Variants in CTNNA2 observed in about 807,000 individuals in gnomAD.
CTNNA2 encodes the protein catenin alpha 2, also known as catenin alpha-2.
A neutral mutation model predicts 101.0 loss-of-function variants in CTNNA2; 42 were observed. That is an observed-to-expected ratio of 0.42 (90% CI 0.32 to 0.54). CTNNA2 has a LOEUF of 0.54. CTNNA2 is among the 20% of genes least tolerant of loss of function. The pLI is 0.14. For synonymous variants in CTNNA2, 450 were observed against 456.4 expected (o/e 0.99, Z 0.18); for missense variants, 871 against 1,223.1 (o/e 0.71, Z 4.29).
At chr2:79,760,879 G>A (rs1475467808) in intron 3 of CTNNA2, among the ~76,000 whole-genome samples, 7 of 151,972 alleles carry the variant, frequency 4.6e-5, no homozygotes, top group Admixed American at 2.6e-4. Context: ...TGGAGGCTGT[G>A]GGGTGTAGAT....
At position 79,982,192 on chromosome 2, in the gene CTNNA2, C is replaced by CTATATA. The variant is rs70940064; in HGVS notation, c.1056+72439_1056+72444dup. Among the ~76,000 whole-genome samples the CTATATA allele has an allele frequency of 6.2e-3, 463 of 74,662 alleles. 2 individuals carry two copies. Among genetic ancestry groups the CTATATA allele is most frequent in the African/African-American group, 7.6e-3 (109 of 14,302 alleles). 49.0% of individuals were successfully genotyped at this position (74,662 alleles called of 152,430 possible). On this transcript the variant is annotated intron_variant, in intron 7 of 18. Transcript: ENST00000402739. ...TACCTGAGACCACAGGCATGTGCCA[C>CTATATA]TATATATATATATATATATATATAT... is the stretch of plus-strand genomic sequence containing the variant.
intron 4 of CTNNA2, among the ~76,000 whole-genome samples, chr2:79,441,291 T>C (rs909770072): frequency 6.6e-6 from 1 of 152,218 alleles, no homozygotes; most frequent in Non-Finnish European, 1.5e-5. Flanking sequence ...CAAATTAAAC[T>C]TTTCTAGTTA....
At chr2:80,448,491 G>T (rs774577118) in intron 9 of CTNNA2, among the ~76,000 whole-genome samples, 1 of 152,044 alleles carries the variant, frequency 6.6e-6, no homozygotes, top group Admixed American at 6.6e-5. Flanking sequence ...CTACACATTA[G>T]CATTACCTGA....
intron 15 of CTNNA2, among the ~76,000 whole-genome samples, chr2:80,594,435 A>G (rs1234788780): frequency 2.0e-5 from 3 of 151,646 alleles, no homozygotes; most frequent in Non-Finnish European, 4.4e-5. Context: ...AAGAATTACT[A>G]TTTTCTCTCA....
intron 7 of CTNNA2, among the ~76,000 whole-genome samples, chr2:80,189,864 A>C (rs978790921): frequency 1.3e-5 from 2 of 152,196 alleles, no homozygotes; most frequent in African/African-American, 4.8e-5. Flanking sequence ...AAGCATTTGT[A>C]CTAACAAGGA....
At chr2:80,368,401 G>A (rs1310099646) in intron 7 of CTNNA2, among the ~76,000 whole-genome samples, 1 of 152,112 alleles carries the variant, frequency 6.6e-6, no homozygotes, top group Non-Finnish European at 1.5e-5. Flanking sequence ...GTCTCACGCT[G>A]TAAAGCTAAT....
intron 7 of CTNNA2, among the ~76,000 whole-genome samples, chr2:80,166,941 G>T (rs1704735295): frequency 6.6e-6 from 1 of 151,956 alleles, no homozygotes; most frequent in Non-Finnish European, 1.5e-5. Flanking sequence ...TCAGCTTCAA[G>T]TGTAAGATAT....
intron 7 of CTNNA2, among the ~76,000 whole-genome samples, chr2:80,195,643 A>G (rs1706779969): frequency 6.6e-6 from 1 of 151,172 alleles, no homozygotes; most frequent in Non-Finnish European, 1.5e-5. Flanking sequence ...AATAGAAGCA[A>G]TATGATTTAG....
At chr2:79,873,996 G>C in intron 5 of CTNNA2, 80 bp from the exon 6 acceptor site, 1 of 1,554,442 alleles carries the variant, frequency 6.4e-7, no homozygotes, top group Non-Finnish European at 8.7e-7. Context: ...GTTACTAAGA[G>C]TCTGTGACTC....
chr2:79,285,540 C>T (rs1170822563), intron 2 of CTNNA2, among the ~76,000 whole-genome samples: 2 of 137,588 alleles, frequency 1.5e-5, no homozygotes, highest in African/African-American at 5.6e-5. Context: ...GCAGGTTGTT[C>T]AGTTTCCATG....
intron 18 of CTNNA2, among the ~76,000 whole-genome samples, chr2:80,620,987 A>G (rs1441134222): frequency 6.6e-6 from 1 of 151,946 alleles, no homozygotes; most frequent in African/African-American, 2.4e-5. Context: ...TTTTAAATTC[A>G]TTTCGTATGT....
chr2:79,908,260 G>A (rs1471493869), intron 6 of CTNNA2, among the ~76,000 whole-genome samples: 6 of 152,060 alleles, frequency 3.9e-5, no homozygotes, highest in Non-Finnish European at 2.9e-5. Flanking sequence ...TTTATGTTTC[G>A]TATTGTATTT....
chr2:80,003,088 TAGCAGC>T lies in CTNNA2; in HGVS notation c.1056+93310_1056+93315del, dbSNP rs535834167. Among the ~76,000 whole-genome samples, 8 of 152,090 alleles carry T rather than the reference TAGCAGC, an allele frequency of 5.3e-5. No individual in the cohort carries two copies. In the East Asian group the frequency reaches 9.7e-4, roughly 18 times the overall value. On this transcript the variant is annotated intron_variant, in intron 7 of 18. Transcript: ENST00000402739. The stretch of plus-strand genomic sequence containing the variant: ...GTGATGATAGGAGTGGTGGTGCTTC[TAGCAGC>T]AGCAGCAGCAGCAGCAGCCTGTGAG...
At chr2:80,349,726 C>A (rs1223888854) in intron 7 of CTNNA2, among the ~76,000 whole-genome samples, 2 of 152,034 alleles carry the variant, frequency 1.3e-5, no homozygotes, top group Non-Finnish European at 2.9e-5. Flanking sequence ...TGCTATGTTG[C>A]TTAGGCTGGT....
At chr2:79,716,653 A>G (rs1196852280) in intron 2 of CTNNA2, among the ~76,000 whole-genome samples, 1 of 152,278 alleles carries the variant, frequency 6.6e-6, no homozygotes, top group Non-Finnish European at 1.5e-5. Context: ...GTTCACAGTG[A>G]ACTCTGGTGG....
chr2:79,256,818 A>G (rs929259575), intron 2 of CTNNA2, among the ~76,000 whole-genome samples: 1 of 152,220 alleles, frequency 6.6e-6, no homozygotes, highest in East Asian at 1.9e-4. Context: ...AATGAGGATC[A>G]TGATAATAAT....
chr2:80,160,549 T>G (rs1235615599), intron 7 of CTNNA2, among the ~76,000 whole-genome samples: 1 of 152,184 alleles, frequency 6.6e-6, no homozygotes, highest in East Asian at 1.9e-4. Flanking sequence ...TTTTGAGTGA[T>G]TGTAAATGAT....
intron 1 of CTNNA2, among the ~76,000 whole-genome samples, chr2:79,645,138 A>AT (rs200615807): frequency 0.011 from 1,748 of 152,074 alleles, 49 homozygotes; most frequent in African/African-American, 0.039. Flanking sequence ...GCGTGCCACC[A>AT]TGCCTGGCTA....
At chr2:80,319,895 C>G (rs1051976175) in intron 7 of CTNNA2, among the ~76,000 whole-genome samples, 7 of 152,178 alleles carry the variant, frequency 4.6e-5, no homozygotes, top group South Asian at 4.1e-4. Context: ...GTGAGAGTGT[C>G]TCTTCCTGCA....
Sources: allele counts gnomAD v4.1 joint callset (sites outside exome capture counted in the v4.1 genomes callset), GRCh38; gene constraint gnomAD v4.1.1; transcripts MANE v1.5; gene names NCBI Gene and HGNC (gene_info 2026-07-23, HGNC 2026-07-21).